PRLR: variants seen among roughly 807,000 people sequenced by gnomAD.
PRLR encodes the protein hPRL receptor.
PRLR carries 13 observed loss-of-function variants against 40.2 expected under a neutral mutation model. That is an observed-to-expected ratio of 0.32 (90% CI 0.21 to 0.51). PRLR has a LOEUF of 0.51. Among genes scored for constraint, PRLR ranks in the 20% least tolerant of loss-of-function variants. PRLR has a pLI of 0.97. For synonymous variants in PRLR, 269 were observed against 278.7 expected (o/e 0.97, Z 0.35); for missense variants, 656 against 747.3 (o/e 0.88, Z 1.42).
intron 1 of PRLR, among the ~76,000 whole-genome samples, chr5:35,196,186 C>A (rs999488921): frequency 1.3e-5 from 2 of 152,126 alleles, no homozygotes; most frequent in Non-Finnish European, 2.9e-5. Context: ...CTGTACTAAA[C>A]CTGCACTCCA....
chr5:35,224,844 T>C (rs751716345), intron 1 of PRLR, among the ~76,000 whole-genome samples: 3 of 152,204 alleles, frequency 2.0e-5, no homozygotes, highest in South Asian at 4.1e-4. Context: ...GCTCTTTTTT[T>C]TGAAATAAAT....
At chr5:35,216,124 T>C (rs922414947) in intron 1 of PRLR, among the ~76,000 whole-genome samples, 19 of 152,004 alleles carry the variant, frequency 1.2e-4, no homozygotes, top group African/African-American at 4.3e-4. Flanking sequence ...TAGCTGGATA[T>C]CAACAAGGCT....
chr5:35,195,788 ATTCC>A (rs1348606601), intron 1 of PRLR: 3 of 152,228 alleles, frequency 2.0e-5, no homozygotes, highest in Non-Finnish European at 2.9e-5. Context: ...AGGCAAGGCA[ATTCC>A]TTGCTGGAAA....
chr5:35,172,491 C>T (rs1402223313), intron 1 of PRLR, among the ~76,000 whole-genome samples: 3 of 152,170 alleles, frequency 2.0e-5, no homozygotes, highest in Non-Finnish European at 4.4e-5. Context: ...CAGAACTCTC[C>T]CTTCTGGGGT....
At chr5:35,186,863 T>C (rs1481169162) in intron 1 of PRLR, among the ~76,000 whole-genome samples, 2 of 152,196 alleles carry the variant, frequency 1.3e-5, no homozygotes, top group African/African-American at 4.8e-5. Flanking sequence ...CACCCCGCTG[T>C]GTGATAAACC....
chr5:35,101,570 G>A (rs573604732), intron 2 of PRLR, among the ~76,000 whole-genome samples: 24 of 152,054 alleles, frequency 1.6e-4, no homozygotes, highest in Middle Eastern at 3.4e-3. Context: ...AACTAGCAAG[G>A]CAATAATAAT....
chr5:35,106,897 C>T (rs1476111774), intron 2 of PRLR, among the ~76,000 whole-genome samples: 1 of 152,182 alleles, frequency 6.6e-6, no homozygotes, highest in Non-Finnish European at 1.5e-5. Flanking sequence ...TTACAGAACT[C>T]TCCACCCCAA....
At chr5:35,073,649 A>G (rs1401885759) in intron 5 of PRLR, among the ~76,000 whole-genome samples, 1 of 152,188 alleles carries the variant, frequency 6.6e-6, no homozygotes, top group Non-Finnish European at 1.5e-5. Flanking sequence ...AGTGGTCTCT[A>G]CTATTTCACT....
intron 1 of PRLR, among the ~76,000 whole-genome samples, chr5:35,146,590 T>C (rs1230994106): frequency 5.9e-5 from 9 of 152,168 alleles, no homozygotes; most frequent in East Asian, 1.9e-4. Flanking sequence ...CTTCTGAGAA[T>C]AGGAAGTCAG....
At chr5:35,071,428 A>T (rs945884088) in intron 6 of PRLR, among the ~76,000 whole-genome samples, 4 of 152,288 alleles carry the variant, frequency 2.6e-5, no homozygotes, top group African/African-American at 9.6e-5. Flanking sequence ...TGGGTATTAA[A>T]CGATATTAAG....
chr5:35,104,887 G>A (rs191498661), intron 2 of PRLR, among the ~76,000 whole-genome samples: 135 of 152,314 alleles, frequency 8.9e-4, no homozygotes, highest in Middle Eastern at 3.4e-3. Flanking sequence ...CTCCCACCGC[G>A]GAATTTGAGA....
intron 1 of PRLR, among the ~76,000 whole-genome samples, chr5:35,226,823 T>C (rs1776565400): frequency 6.6e-6 from 1 of 152,246 alleles, no homozygotes; most frequent in African/African-American, 2.4e-5. Flanking sequence ...CTGTTTTCTG[T>C]CACTCTCTCT....
At chr5:35,220,345 G>GAAA (rs1561371597) in intron 1 of PRLR, among the ~76,000 whole-genome samples, 1 of 152,062 alleles carries the variant, frequency 6.6e-6, no homozygotes, top group East Asian at 1.9e-4. Context: ...TCCAGTCTTA[G>GAAA]GACTTTTGCT....
chr5:35,216,152 T>C (rs1776283189), intron 1 of PRLR, among the ~76,000 whole-genome samples: 1 of 152,178 alleles, frequency 6.6e-6, no homozygotes, highest in African/African-American at 2.4e-5. Flanking sequence ...ATTGTAGTAT[T>C]ACACAGGCAC....
At chr5:35,111,918 A>G (rs1355761036) in intron 2 of PRLR, among the ~76,000 whole-genome samples, 1 of 152,230 alleles carries the variant, frequency 6.6e-6, no homozygotes, top group Non-Finnish European at 1.5e-5. Context: ...AGCTATTACT[A>G]TCGTAATCGA....
At chr5:35,190,250 C>A (rs1017090748) in intron 1 of PRLR, among the ~76,000 whole-genome samples, 3 of 152,166 alleles carry the variant, frequency 2.0e-5, no homozygotes, top group Admixed American at 2.0e-4. Context: ...TTCCCCAATG[C>A]CCCACAGCGA....
rs1771325351 is a variant in PRLR, at chr5:35,093,164, A to T, written c.-43-3501T>A. The stretch of plus-strand genomic sequence containing the variant: ...CTTGTGCTTTTGAGAAACTAGAGCC[A>T]GTCTCCCTACATGGAAAATCGGGGC... On this transcript the variant is annotated intron_variant, in intron 2 of 9. Coordinates refer to ENST00000618457, the MANE Select transcript of PRLR (RefSeq NM_000949.7). Among the ~76,000 whole-genome samples, 5 of 152,314 alleles carry T rather than the reference A, an allele frequency of 3.3e-5. No homozygotes were observed. The South Asian group carries it at 1.0e-3, about 32-fold the overall frequency.
At chr5:35,051,982 A>G (rs1190401526), downstream of PRLR, among the ~76,000 whole-genome samples, 1 of 152,228 alleles carries the variant, frequency 6.6e-6, no homozygotes, top group Admixed American at 6.5e-5. Context: ...GTAACAATGA[A>G]AAGAATAATT....
chr5:35,142,188 G>T (rs1774045649), intron 1 of PRLR, among the ~76,000 whole-genome samples: 1 of 152,214 alleles, frequency 6.6e-6, no homozygotes, highest in Non-Finnish European at 1.5e-5. Flanking sequence ...ACCTTCCAAA[G>T]AAATTAGCAG....
Sources: allele counts gnomAD v4.1 joint callset (sites outside exome capture counted in the v4.1 genomes callset), GRCh38; gene constraint gnomAD v4.1.1; transcripts MANE v1.5; gene names NCBI Gene and HGNC (gene_info 2026-07-23, HGNC 2026-07-21).